Variants in ZFHX3 observed in about 807,000 individuals in gnomAD.
The protein encoded by ZFHX3 is zinc finger homeobox protein 3.
ZFHX3 carries 42 observed loss-of-function variants against 279.1 expected under a neutral mutation model. The ratio of observed to expected loss-of-function variants is 0.15; its 90% CI spans 0.12 to 0.19. ZFHX3 has a LOEUF of 0.19. Ranked by LOEUF, ZFHX3 falls within the 10% of genes least tolerant of loss-of-function variation. The pLI, the probability that ZFHX3 is intolerant of heterozygous loss-of-function variation, is 1.00. For synonymous variants in ZFHX3, 2,293 were observed against 1,957.8 expected, an observed-to-expected ratio of 1.17 and a Z score of -4.52; for missense variants, 4,981 against 4,754.0, an observed-to-expected ratio of 1.05 and a Z score of -1.40.
At chr16:73,781,391 G>C (rs1387494236) in intron 1 of ZFHX3, among the ~76,000 whole-genome samples, 1 of 152,158 alleles carries the variant, frequency 6.6e-6, no homozygotes, top group Non-Finnish European at 1.5e-5. Flanking sequence ...TGCTACTCCT[G>C]CATCACACTT....
At chr16:73,814,257 T>C (rs561831373) in intron 1 of ZFHX3, among the ~76,000 whole-genome samples, 29 of 151,694 alleles carry the variant, frequency 1.9e-4, no homozygotes, top group African/African-American at 6.8e-4. Flanking sequence ...GGAGAGACAA[T>C]AAATGGTAGC....
In ZFHX3 at chr16:72,793,160, G is replaced by A; in HGVS notation, c.9427+95C>T. ...AACTAGAAAGGTAAGCTTCCCATCT[G>A]CCCAGCACTCAGAGGGTTTGGGTGG... On this transcript the variant is annotated intron_variant, in intron 9 of 9. Coordinates refer to ENST00000268489, the MANE Select transcript of ZFHX3 (RefSeq NM_006885.4). This position sits in a 1 kb window ranked among gnomAD's most constrained non-coding sequence, Gnocchi z 4.3. 2 of 1,512,468 alleles carry A rather than the reference G, an allele frequency of 1.3e-6. No individual in the cohort carries two copies. The highest frequency in any genetic ancestry group is 1.4e-5 in the African/African-American group (1 of 71,700). The allele number at this position is 1,512,468 out of a possible 1,614,324, so 93.7% of individuals were successfully genotyped here. A position where few individuals can be genotyped will look rare whatever the true frequency, so the allele number is the denominator to read the frequency against.
At chr16:72,809,174 G>T (rs889887871) in intron 7 of ZFHX3, among the ~76,000 whole-genome samples, 1 of 152,086 alleles carries the variant, frequency 6.6e-6, no homozygotes, top group African/African-American at 2.4e-5. Flanking sequence ...TAGTCCCTAG[G>T]GATATATAAA....
chr16:72,907,664 C>T (rs2039216806), intron 3 of ZFHX3, among the ~76,000 whole-genome samples: 2 of 145,168 alleles, frequency 1.4e-5, no homozygotes. Context: ...CAAGTCCATG[C>T]TAGATCCTCC....
intron 1 of ZFHX3, among the ~76,000 whole-genome samples, chr16:72,991,451 C>T (rs1007264395): frequency 2.0e-5 from 3 of 152,164 alleles, no homozygotes; most frequent in Non-Finnish European, 2.9e-5. Flanking sequence ...GGCCATTTAA[C>T]AGCAGCAAAT....
At chr16:73,606,273 C>T (rs373163196) in intron 2 of ZFHX3, among the ~76,000 whole-genome samples, 5 of 147,690 alleles carry the variant, frequency 3.4e-5, no homozygotes, top group Admixed American at 6.8e-5. Flanking sequence ...TTTAGGAGGC[C>T]GAGGTGGGCA....
At chr16:72,789,893 G>A (rs937971067) in intron 9 of ZFHX3, 2 of 152,360 alleles carry the variant, frequency 1.3e-5, no homozygotes, top group African/African-American at 2.4e-5. Flanking sequence ...GAAAAGCCAT[G>A]TCAGAAGTGG....
At chr16:73,558,979 T>G (rs1426948602) in intron 2 of ZFHX3, among the ~76,000 whole-genome samples, 1 of 151,802 alleles carries the variant, frequency 6.6e-6, no homozygotes, top group Non-Finnish European at 1.5e-5. Context: ...CCTCCCAAAG[T>G]GCTAGGATTA....
chr16:73,056,102 T>C (rs1251011546), intron 1 of ZFHX3, among the ~76,000 whole-genome samples: 2 of 151,842 alleles, frequency 1.3e-5, no homozygotes, highest in Non-Finnish European at 2.9e-5. Context: ...TGGCCTAGAG[T>C]AGGTTTTCCT....
chr16:73,213,602 G>A (rs374169438), intron 5 of ZFHX3, among the ~76,000 whole-genome samples: 1 of 152,108 alleles, frequency 6.6e-6, no homozygotes, highest in Admixed American at 6.5e-5. Context: ...GCTGGTCCCC[G>A]CAGTTTGGGG....
chr16:73,048,853 A>C (rs1481416021), upstream of ZFHX3, among the ~76,000 whole-genome samples: 1 of 152,234 alleles, frequency 6.6e-6, no homozygotes, highest in Non-Finnish European at 1.5e-5. Flanking sequence ...AGAAAGAGAA[A>C]AGGAGAGATC....
chr16:73,192,743 G>A (rs1452036833), intron 5 of ZFHX3, among the ~76,000 whole-genome samples: 1 of 152,170 alleles, frequency 6.6e-6, no homozygotes, highest in Non-Finnish European at 1.5e-5. Flanking sequence ...ATGCGCTGGT[G>A]CTTTAAGCAG....
chr16:73,465,648 G>A (rs1338647404), intron 2 of ZFHX3, among the ~76,000 whole-genome samples: 1 of 152,146 alleles, frequency 6.6e-6, no homozygotes, highest in Non-Finnish European at 1.5e-5. Context: ...GAGCCCCTCT[G>A]CTGTTTCAGA....
At chr16:73,726,409 G>A (rs1481874631) in intron 1 of ZFHX3, among the ~76,000 whole-genome samples, 1 of 152,188 alleles carries the variant, frequency 6.6e-6, no homozygotes, top group East Asian at 1.9e-4. Context: ...CAGCAATATG[G>A]CATTTTGGGC....
At chr16:72,905,960 C>A (rs2144155724) in intron 3 of ZFHX3, among the ~76,000 whole-genome samples, 1 of 152,312 alleles carries the variant, frequency 6.6e-6, no homozygotes, top group South Asian at 2.1e-4. Context: ...AAGGCTCTCA[C>A]CTTCCTCTAC....
At chr16:73,289,060 T>G (rs1423732) in intron 4 of ZFHX3, among the ~76,000 whole-genome samples, 68,643 of 149,140 alleles carry the variant, frequency 0.46, 16,356 homozygotes, top group East Asian at 0.66. Flanking sequence ...GAATCAACCC[T>G]ACTCCTTCAA....
chr16:73,124,714 G>T (rs1357015454), intron 7 of ZFHX3, among the ~76,000 whole-genome samples: 1 of 152,214 alleles, frequency 6.6e-6, no homozygotes, highest in Admixed American at 6.5e-5. Flanking sequence ...AGGGTTCAGG[G>T]AAACACAAGA....
intron 4 of ZFHX3, among the ~76,000 whole-genome samples, chr16:72,878,631 G>T (rs1438191200): frequency 6.6e-6 from 1 of 152,240 alleles, no homozygotes. Context: ...ATCCTGGAGA[G>T]AATCCAGCAA....
intron 2 of ZFHX3, among the ~76,000 whole-genome samples, chr16:73,597,297 G>A (rs1323893365): frequency 1.3e-5 from 2 of 152,044 alleles, no homozygotes; most frequent in South Asian, 2.1e-4. Flanking sequence ...CATAACATTT[G>A]GTCTGTATAT....
Sources: gnomAD v4.1 joint callset for allele counts (sites outside exome capture counted in the v4.1 genomes callset) on GRCh38, gnomAD v4.1.1 for gene constraint, Gnocchi (gnomAD v3.1) non-coding constraint, MANE v1.5 for transcripts, NCBI Gene and HGNC (gene_info 2026-07-23, HGNC 2026-07-21) for gene names.